FIRRM: variants seen among roughly 807,000 people sequenced by gnomAD.
FIRRM encodes FIGNL1 interacting regulator of recombination and mitosis, also known as FIGNL1-interacting regulator of recombination and mitosis.
the FIRRM span, chr1:169,802,691 TG>T: frequency 1.2e-6 from 2 of 1,612,868 alleles, no homozygotes; most frequent in South Asian, 2.2e-5. Context: ...AGCCAAAATT[TG>T]GAAATCCAGA....
the FIRRM span, among the ~76,000 whole-genome samples, chr1:169,824,337 C>T: frequency 6.6e-6 from 1 of 152,178 alleles, no homozygotes; most frequent in Non-Finnish European, 1.5e-5. Flanking sequence ...GACCTTGCAC[C>T]AGCAATTATT....
chr1:169,851,078 T>TCCCAAGCCAGGGTAAGCTCAG, the FIRRM span: 1 of 121,508 alleles, frequency 8.2e-6, no homozygotes, highest in Non-Finnish European at 1.7e-5. Flanking sequence ...TTTTTTGGCA[T>TCCCAAGCCAGGGTAAGCTCAG]GGCTTTTTTA....
the FIRRM span, chr1:169,843,733 T>G: frequency 8.1e-6 from 13 of 1,611,724 alleles, no homozygotes; most frequent in African/African-American, 1.2e-4. Flanking sequence ...TGTTGGGATT[T>G]TTCATTCAAA....
chr1:169,847,205 T>C, the FIRRM span, among the ~76,000 whole-genome samples: 13 of 151,016 alleles, frequency 8.6e-5, no homozygotes, highest in African/African-American at 3.2e-4. Context: ...CAAGTTGAAA[T>C]ATTGCAGGAA....
At chr1:169,851,060 T>C in the FIRRM span, 1 of 121,304 alleles carries the variant, frequency 8.2e-6, no homozygotes, top group Non-Finnish European at 1.8e-5. Flanking sequence ...TTTTTTTTTT[T>C]TTTTTTTTTT....
At chr1:169,850,462 A>G in the FIRRM span, 1 of 693,830 alleles carries the variant, frequency 1.4e-6, no homozygotes, top group Non-Finnish European at 2.4e-6. Context: ...AGTGCTGAGC[A>G]CAGTGCTGAC....
the FIRRM span, among the ~76,000 whole-genome samples, chr1:169,789,850 GAATA>G: frequency 6.6e-6 from 1 of 152,148 alleles, no homozygotes; most frequent in Admixed American, 6.5e-5. Context: ...GAAAATAGGT[GAATA>G]AATAGTACGA....
the FIRRM span, chr1:169,852,886 C>T: frequency 6.2e-7 from 1 of 1,614,150 alleles, no homozygotes; most frequent in Middle Eastern, 1.6e-4. Flanking sequence ...AACTGAGTCA[C>T]TACTCCAAAA....
the FIRRM span, chr1:169,827,065 G>A: frequency 6.2e-7 from 1 of 1,612,078 alleles, no homozygotes. Flanking sequence ...TTTCCTCCAA[G>A]CCTTTATGCT....
chr1:169,806,101 G>T, the FIRRM span: 2 of 1,507,752 alleles, frequency 1.3e-6, no homozygotes, highest in South Asian at 1.2e-5. Flanking sequence ...AAGTTTGTTT[G>T]TTATTTTTTA....
chr1:169,821,643 A>G, the FIRRM span: 15 of 1,426,874 alleles, frequency 1.1e-5, no homozygotes, highest in Non-Finnish European at 1.4e-5. Context: ...TTCTTTTCTT[A>G]TTTATTATGC....
the FIRRM span, among the ~76,000 whole-genome samples, chr1:169,820,795 T>C: frequency 6.6e-6 from 1 of 151,992 alleles, no homozygotes; most frequent in Non-Finnish European, 1.5e-5. Context: ...CCCTACAGGG[T>C]TTGCCAGGAA....
At chr1:169,810,810 TAACATATAGTTCTTTAGCCCCCAA>T in the FIRRM span, among the ~76,000 whole-genome samples, 1 of 150,470 alleles carries the variant, frequency 6.6e-6, no homozygotes, top group East Asian at 2.0e-4. Flanking sequence ...TGTATAGTTT[TAACATATAGTTCTTTAGCCCCCAA>T]TTTTTTTTTT....
At chr1:169,784,689 A>C in the FIRRM span, among the ~76,000 whole-genome samples, 14 of 152,340 alleles carry the variant, frequency 9.2e-5, 1 homozygote, top group Admixed American at 2.0e-4. Flanking sequence ...TCCCCTGACT[A>C]ACAAAGGAAA....
the FIRRM span, among the ~76,000 whole-genome samples, chr1:169,824,860 C>G: frequency 4.6e-5 from 7 of 152,288 alleles, no homozygotes; most frequent in East Asian, 1.3e-3. Context: ...ATCATTTAGT[C>G]TCAAGACTTT....
chr1:169,853,872 A>G, the FIRRM span: 90 of 1,358,302 alleles, frequency 6.6e-5, no homozygotes, highest in Admixed American at 4.0e-4. Context: ...TTATCTTTTG[A>G]TGCCAGAAAC....
At chr1:169,819,629 T>G in the FIRRM span, among the ~76,000 whole-genome samples, 4 of 152,348 alleles carry the variant, frequency 2.6e-5, no homozygotes, top group East Asian at 7.7e-4. Context: ...CTGTTAGAGC[T>G]TGAATGTCTA....
the FIRRM span, among the ~76,000 whole-genome samples, chr1:169,797,315 T>G: frequency 6.6e-6 from 1 of 152,248 alleles, no homozygotes; most frequent in Non-Finnish European, 1.5e-5. Context: ...TTTCATGTTT[T>G]GCATTTTACG....
the FIRRM span, among the ~76,000 whole-genome samples, chr1:169,785,833 T>G: frequency 6.6e-6 from 1 of 152,336 alleles, no homozygotes; most frequent in Admixed American, 6.5e-5. Flanking sequence ...TGCATATCAA[T>G]GTAATCAAAT....
Sources: allele counts gnomAD v4.1 joint callset (sites outside exome capture counted in the v4.1 genomes callset), GRCh38; gene constraint gnomAD v4.1.1; transcripts MANE v1.5; gene names NCBI Gene and HGNC (gene_info 2026-07-23, HGNC 2026-07-21).